MAP3K19: variants seen among roughly 807,000 people sequenced by gnomAD.
The protein encoded by MAP3K19 is mitogen-activated protein kinase kinase kinase 19.
In MAP3K19, 91 loss-of-function variants were observed where a neutral mutation model predicts 114.4. That is an observed-to-expected ratio of 0.80 (90% CI 0.67 to 0.95). MAP3K19 has a LOEUF of 0.95. Ranked by LOEUF, MAP3K19 falls within the 40% of genes least tolerant of loss-of-function variation. The pLI is 0.00. For missense variants in MAP3K19, 1,471 were observed against 1,573.2 expected, an observed-to-expected ratio of 0.94 and a Z score of 1.10; for synonymous variants, 518 against 530.5, an observed-to-expected ratio of 0.98 and a Z score of 0.32.
intron 8 of MAP3K19, among the ~76,000 whole-genome samples, chr2:134,997,194 A>C (rs1269538433): frequency 6.6e-6 from 1 of 152,220 alleles, no homozygotes; most frequent in African/African-American, 2.4e-5. Flanking sequence ...ATAGCCCATC[A>C]AAACACTGCT....
chr2:134,977,356 A>ATTTTTTTTTTTTTTTTTTTTTTTTT (rs774277347), intron 12 of MAP3K19, among the ~76,000 whole-genome samples: 1 of 86,834 alleles, frequency 1.2e-5, no homozygotes, highest in Non-Finnish European at 2.0e-5. Context: ...TAATTTTTAA[A>ATTTTTTTTTTTTTTTTTTTTTTTTT]TTTTTTTTTT....
chr2:134,976,241 G>T lies in MAP3K19; in HGVS notation c.3920+4580C>A, dbSNP rs185603539. On this transcript the variant is annotated intron_variant, in intron 12 of 12. Transcript: ENST00000392915. ...AATGGTGCCATGCTGTAGCTGCTTA[G>T]GACTCAGGTGTGAGCTCCCTCTCCG... is the stretch of plus-strand genomic sequence containing the variant. Among the ~76,000 whole-genome samples, 8 of 152,326 alleles carry T rather than the reference G, an allele frequency of 5.3e-5. No individual in the cohort carries two copies. The East Asian group carries it at 1.5e-3, about 29-fold the overall frequency.
intron 8 of MAP3K19, among the ~76,000 whole-genome samples, chr2:134,997,158 CA>C (rs1490237761): frequency 2.0e-5 from 3 of 152,206 alleles, no homozygotes; most frequent in Non-Finnish European, 4.4e-5. Context: ...ACTTCAAGTC[CA>C]GATTTCTTAT....
Position 134,981,005 on chromosome 2 carries a change from G to A in MAP3K19, c.3736C>T (p.Arg1246Trp), listed in dbSNP as rs139473560. ...PEVINESGYG[R>W]KSDIWSIGCT... ...CCAATGCTCCAGATATCTGATTTCC[G>A]TCCATAGCCAGACTCATTGATGACT... The change falls in exon 12 of 13, where the codon CGG (arginine) becomes TGG (tryptophan). Residue 1246 changes from arginine (R) to tryptophan (W), a missense_variant. By Grantham distance (101) the Arg-to-Trp change is moderately radical. Transcript: ENST00000392915. 18 of 1,614,158 alleles carry A rather than the reference G, an allele frequency of 1.1e-5. No homozygotes were observed. Among genetic ancestry groups the A allele is most frequent in the Middle Eastern group, 1.6e-4 (1 of 6,062 alleles).
chr2:134,998,278 C>A (rs1686170851), intron 8 of MAP3K19, among the ~76,000 whole-genome samples: 1 of 152,106 alleles, frequency 6.6e-6, no homozygotes, highest in Non-Finnish European at 1.5e-5. Context: ...AAGATTCCCA[C>A]AGATAAACAT....
intron 4 of MAP3K19, among the ~76,000 whole-genome samples, chr2:135,022,531 A>G (rs899311815): frequency 6.6e-6 from 1 of 152,164 alleles, no homozygotes. Flanking sequence ...TGCTGGCTCA[A>G]TCGATACTGT....
intron 4 of MAP3K19, chr2:135,023,772 T>C: frequency 3.0e-6 from 1 of 328,126 alleles, no homozygotes; most frequent in Non-Finnish European, 6.0e-6. Flanking sequence ...GGCACTTCTA[T>C]AATTTCTTAA....
At chr2:134,985,775 A>C in intron 10 of MAP3K19, 25 bp downstream of exon 10, 1 of 1,554,044 alleles carries the variant, frequency 6.4e-7, no homozygotes, top group Non-Finnish European at 8.7e-7. Flanking sequence ...CACCCCAATG[A>C]ATCTTGGATT....
intron 12 of MAP3K19, among the ~76,000 whole-genome samples, chr2:134,968,951 G>A (rs533165888): frequency 2.6e-4 from 40 of 152,190 alleles, no homozygotes; most frequent in African/African-American, 6.7e-4. Flanking sequence ...AAGGGGTGGC[G>A]GCCGGGCAGA....
In MAP3K19 at chr2:134,981,010, T is replaced by C. The variant is rs369996677; in HGVS notation, c.3731A>G (p.Tyr1244Cys). 1 of 1,614,220 alleles carries C rather than the reference T, an allele frequency of 6.2e-7. No homozygotes were observed. The highest frequency in any genetic ancestry group is 1.3e-5 in the African/African-American group (1 of 75,066). Reference sequence around the variant, plus strand: ...GCTCCAGATATCTGATTTCCGTCCATAGCCAGACTCATTGATGACTTCTGG... The same window carrying C: ...GCTCCAGATATCTGATTTCCGTCCACAGCCAGACTCATTGATGACTTCTGG... ...MAPEVINESG[Y>C]GRKSDIWSIG... The change falls in exon 12 of 13, where the codon TAT (tyrosine) becomes TGT (cysteine). Residue 1244 changes from tyrosine (Y) to cysteine (C), a missense_variant. By Grantham distance (194) the Tyr-to-Cys change is radical. Transcript: ENST00000392915.
chr2:135,047,124 G>A (rs1688760225), intron 1 of MAP3K19, 61 bp downstream of exon 1: 1 of 152,190 alleles, frequency 6.6e-6, no homozygotes, highest in Non-Finnish European at 1.5e-5. Flanking sequence ...CCTTTGGGGA[G>A]TAAAAAAGTT....
Position 134,999,898 on chromosome 2 carries a change from C to G in MAP3K19, c.314+39G>C. On this transcript the variant is annotated intron_variant, in intron 7 of 12. Coordinates refer to ENST00000392915, the MANE Select transcript of MAP3K19 (RefSeq NM_025052.5). This position sits in a 1 kb window ranked among gnomAD's most constrained non-coding sequence, Gnocchi z 4.1. Reference sequence around the variant, plus strand: ...GCCATATGACTATCATTGCTTCATACTTCATTTCAAATCTGATACTTCAAA... The same window carrying G: ...GCCATATGACTATCATTGCTTCATAGTTCATTTCAAATCTGATACTTCAAA... The G allele has an allele frequency of 7.4e-7, 1 of 1,347,808 alleles. No homozygotes were observed. The highest frequency in any genetic ancestry group is 1.1e-6 in the Non-Finnish European group (1 of 937,944). The allele number at this position is 1,347,808 out of a possible 1,614,324, so 83.5% of individuals were successfully genotyped here.
At chr2:135,010,501 T>C (rs1237520359) in intron 5 of MAP3K19, among the ~76,000 whole-genome samples, 3 of 152,290 alleles carry the variant, frequency 2.0e-5, no homozygotes, top group African/African-American at 7.2e-5. Flanking sequence ...TCATAAACCA[T>C]TGACAACACC....
intron 6 of MAP3K19, among the ~76,000 whole-genome samples, chr2:135,000,367 T>C (rs930708028): frequency 1.3e-5 from 2 of 152,246 alleles, no homozygotes; most frequent in Admixed American, 6.5e-5. Flanking sequence ...AGATAATTTA[T>C]GTAACACCAA....
intron 2 of MAP3K19, among the ~76,000 whole-genome samples, chr2:135,035,475 G>A (rs1688506013): frequency 6.6e-6 from 1 of 152,204 alleles, no homozygotes; most frequent in African/African-American, 2.4e-5. Flanking sequence ...TGGCTGCTTA[G>A]GGCTGGGGTG....
At chr2:135,013,127 C>G (rs1241418000) in intron 5 of MAP3K19, among the ~76,000 whole-genome samples, 1 of 152,012 alleles carries the variant, frequency 6.6e-6, no homozygotes, top group Non-Finnish European at 1.5e-5. Context: ...TGAGACCAGC[C>G]TGGTCAACAT....
At chr2:135,000,298 A>T (rs192266637) in intron 6 of MAP3K19, among the ~76,000 whole-genome samples, 38 of 152,342 alleles carry the variant, frequency 2.5e-4, no homozygotes, top group African/African-American at 7.7e-4. Flanking sequence ...AGAAAACAGA[A>T]CCACCTTCTA....
At chr2:135,032,517 T>G (rs1038925228) in intron 2 of MAP3K19, among the ~76,000 whole-genome samples, 3 of 151,582 alleles carry the variant, frequency 2.0e-5, no homozygotes, top group African/African-American at 7.2e-5. Context: ...GAAGCATTAT[T>G]CATAGTAACC....
intron 10 of MAP3K19, among the ~76,000 whole-genome samples, chr2:134,984,690 C>T (rs749705648): frequency 3.9e-5 from 6 of 152,162 alleles, no homozygotes; most frequent in Non-Finnish European, 8.8e-5. Flanking sequence ...CCGTGGCTCA[C>T]GCCTGTAATC....
Sources: gnomAD v4.1 joint callset for allele counts (sites outside exome capture counted in the v4.1 genomes callset) on GRCh38, gnomAD v4.1.1 for gene constraint, Gnocchi (gnomAD v3.1) non-coding constraint, MANE v1.5 for transcripts, NCBI Gene and HGNC (gene_info 2026-07-23, HGNC 2026-07-21) for gene names.